SCARB2: variants seen among roughly 807,000 people sequenced by gnomAD.
The protein encoded by SCARB2 is lysosome membrane protein 2.
A neutral mutation model predicts 58.6 loss-of-function variants in SCARB2; 29 were observed. The ratio of observed to expected loss-of-function variants is 0.49; its 90% CI spans 0.37 to 0.67. SCARB2 has a LOEUF of 0.67. Ranked by LOEUF, SCARB2 falls within the 30% of genes least tolerant of loss-of-function variation. The pLI, the probability that SCARB2 is intolerant of heterozygous loss-of-function variation, is 0.00. For missense variants in SCARB2, 488 were observed against 578.5 expected (o/e 0.84, Z 1.60); for synonymous variants, 195 against 210.1 (o/e 0.93, Z 0.62).
At chr4:76,214,695 G>T (rs1345474768), upstream of SCARB2, among the ~76,000 whole-genome samples, 1 of 152,222 alleles carries the variant, frequency 6.6e-6, no homozygotes, top group Non-Finnish European at 1.5e-5. Flanking sequence ...GACTCAAGAA[G>T]TGTTCGTTAA....
At position 76,208,625 on chromosome 4, in the gene SCARB2, G is replaced by A. The variant is rs1016160051; in HGVS notation, c.117+4802C>T. On this transcript the variant is annotated intron_variant, in intron 1 of 11. Transcript: ENST00000264896. ...AGCAGAGGAAAAAGTGGGAGGCAGA[G>A]TGTGCCTGCTTCCTGCTGACTTTCC... Among the ~76,000 whole-genome samples the A allele has an allele frequency of 2.0e-5, 3 of 152,224 alleles. No homozygotes were observed. In the East Asian group the frequency reaches 5.8e-4, roughly 29 times the overall value.
chr4:76,169,772 G>C, intron 8 of SCARB2, 95 bp downstream of exon 8: 1 of 1,012,266 alleles, frequency 9.9e-7, no homozygotes, highest in South Asian at 1.3e-5. Flanking sequence ...ATGAAAGTAA[G>C]GATATTTTTA....
In SCARB2 at chr4:76,160,132, G is replaced by T. The variant is rs1731866223; in HGVS notation, c.*1581C>A. The T allele has an allele frequency of 6.6e-6, 1 of 152,036 alleles. No individual in the cohort carries two copies. The highest frequency in any genetic ancestry group is 2.4e-5 in the African/African-American group (1 of 41,368). The allele number at this position is 152,036 out of a possible 1,614,324, so 9.4% of individuals were successfully genotyped here. On this transcript the variant is annotated 3_prime_UTR_variant, in exon 12 of 12. Coordinates refer to ENST00000264896, the MANE Select transcript of SCARB2 (RefSeq NM_005506.4). ...CAAGAGGGGAAATATATCACATATT[G>T]TTTTAGTGTAGAAAAAGGAAAAATT... is the stretch of plus-strand genomic sequence containing the variant.
At chr4:76,165,563 A>G (rs1731989637) in intron 10 of SCARB2, 1 of 152,176 alleles carries the variant, frequency 6.6e-6, no homozygotes, top group South Asian at 2.1e-4. Context: ...ATTGGAAAAA[A>G]TTGTACAACA....
chr4:76,162,347 T>C (rs1446563938), intron 11 of SCARB2: 3 of 153,520 alleles, frequency 2.0e-5, no homozygotes, highest in Non-Finnish European at 4.4e-5. Context: ...GTTTCACGTA[T>C]TTATTTTCTA....
chr4:76,170,861 C>T (rs1180807482), intron 7 of SCARB2, among the ~76,000 whole-genome samples: 1 of 151,738 alleles, frequency 6.6e-6, no homozygotes, highest in Admixed American at 6.6e-5. Flanking sequence ...GCTATACACC[C>T]AGCCTCTAAC....
intron 1 of SCARB2, among the ~76,000 whole-genome samples, chr4:76,233,597 C>T (rs1213159903): frequency 1.3e-5 from 2 of 152,034 alleles, no homozygotes; most frequent in Non-Finnish European, 2.9e-5. Context: ...CACACACACA[C>T]ACACACATAT....
At chr4:76,205,548 T>C (rs1242251418) in intron 1 of SCARB2, among the ~76,000 whole-genome samples, 3 of 152,172 alleles carry the variant, frequency 2.0e-5, no homozygotes, top group African/African-American at 7.2e-5. Context: ...ATATGTACAA[T>C]TTTGACTTGT....
chr4:76,181,545 T>G (rs1732385878), intron 2 of SCARB2, among the ~76,000 whole-genome samples: 1 of 152,190 alleles, frequency 6.6e-6, no homozygotes, highest in Non-Finnish European at 1.5e-5. Context: ...TGCCCAAGGC[T>G]TAGTAAATTA....
At chr4:76,170,043 G>A (rs1732097822) in intron 7 of SCARB2, 58 bp from the exon 8 acceptor site, 1 of 1,302,022 alleles carries the variant, frequency 7.7e-7, no homozygotes, top group Non-Finnish European at 1.1e-6. Flanking sequence ...AAGCTGAGCT[G>A]AATATAAAAG....
intron 2 of SCARB2, among the ~76,000 whole-genome samples, chr4:76,189,199 T>C (rs961858377): frequency 5.9e-5 from 9 of 152,118 alleles, no homozygotes; most frequent in African/African-American, 1.7e-4. Flanking sequence ...TTCCAGTACA[T>C]TGGGAAGAAA....
intron 9 of SCARB2, 51 bp downstream of exon 9, chr4:76,168,352 G>C (rs750590808): frequency 7.2e-7 from 1 of 1,381,352 alleles, no homozygotes; most frequent in Admixed American, 1.7e-5. Flanking sequence ...CCCACCAGAC[G>C]GGCAATGGAG....
intron 11 of SCARB2, chr4:76,162,804 C>T (rs1731926398): frequency 3.4e-6 from 1 of 294,856 alleles, no homozygotes; most frequent in Non-Finnish European, 6.4e-6. Flanking sequence ...TTTTATTATC[C>T]CATTTTACAG....
At chr4:76,196,688 T>A (rs577100624) in intron 1 of SCARB2, among the ~76,000 whole-genome samples, 76 of 152,322 alleles carry the variant, frequency 5.0e-4, no homozygotes, top group African/African-American at 1.7e-3. Flanking sequence ...TATTTTCTTA[T>A]TGGATCCCCA....
intron 10 of SCARB2, 33 bp from the exon 11 acceptor site, chr4:76,163,416 C>T: frequency 1.2e-6 from 2 of 1,612,700 alleles, no homozygotes; most frequent in Non-Finnish European, 1.7e-6. Flanking sequence ...TTCTTGATGA[C>T]TAAACATCCA....
rs1459123541 is a variant in SCARB2, at chr4:76,184,958, A to G, written c.276-3857T>C. Among the ~76,000 whole-genome samples, 4 of 152,066 alleles carry G rather than the reference A, an allele frequency of 2.6e-5. No individual in the cohort carries two copies. In the East Asian group the frequency reaches 7.7e-4, roughly 29 times the overall value. On this transcript the variant is annotated intron_variant, in intron 2 of 11. Transcript: ENST00000264896. ...CTGCTTTCCTTGATTCTGTTAACCT[A>G]CTTTATAGCCTTCAAATAGATTCCC...
In SCARB2 at chr4:76,167,252, C is replaced by T. The variant is rs116597918; in HGVS notation, c.1188-951G>A. 3.2e-3 allele frequency among the ~76,000 whole-genome samples: 483 copies of T among 152,268 alleles called. 4 individuals carry two copies. Among genetic ancestry groups the T allele is most frequent in the African/African-American group, 0.011 (457 of 41,552 alleles). On this transcript the variant is annotated intron_variant, in intron 9 of 11. Coordinates refer to ENST00000264896, the MANE Select transcript of SCARB2 (RefSeq NM_005506.4). ...AGAGAGGAAGAGGAAGAGACTCTGT[C>T]TCAAGTCTCTGAGTGATATAGTTTG... is the stretch of plus-strand genomic sequence containing the variant.
intron 1 of SCARB2, chr4:76,234,184 G>A (rs2109987508): frequency 6.6e-6 from 1 of 152,570 alleles, no homozygotes; most frequent in African/African-American, 2.4e-5. Flanking sequence ...GGAAAGAAAA[G>A]GCCATGAAAA....
At chr4:76,209,124 T>A (rs1033642871) in intron 1 of SCARB2, among the ~76,000 whole-genome samples, 1 of 152,182 alleles carries the variant, frequency 6.6e-6, no homozygotes, top group Non-Finnish European at 1.5e-5. Context: ...ATTTAAGATA[T>A]CTTTACAGGT....
Sources: allele counts gnomAD v4.1 joint callset (sites outside exome capture counted in the v4.1 genomes callset), GRCh38; gene constraint gnomAD v4.1.1; transcripts MANE v1.5; gene names NCBI Gene and HGNC (gene_info 2026-07-23, HGNC 2026-07-21).